KIAA1549L: variants seen among roughly 807,000 people sequenced by gnomAD.
The protein encoded by KIAA1549L is KIAA1549 like.
Under a neutral mutation model 160.7 loss-of-function variants are expected in KIAA1549L, and 88 were observed. The ratio of observed to expected loss-of-function variants is 0.55; its 90% CI spans 0.46 to 0.65. The LOEUF is 0.65. Among genes scored for constraint, KIAA1549L ranks in the 30% least tolerant of loss-of-function variants. KIAA1549L has a pLI of 0.00. For synonymous variants in KIAA1549L, 950 were observed against 976.7 expected (o/e 0.97, Z 0.51); for missense variants, 2,258 against 2,437.5 (o/e 0.93, Z 1.55).
chr11:33,507,008 A>C (rs1853107095), intron 1 of KIAA1549L, among the ~76,000 whole-genome samples: 1 of 152,146 alleles, frequency 6.6e-6, no homozygotes, highest in Admixed American at 6.5e-5. Flanking sequence ...AGCCCTGTTC[A>C]GTTTTGTGTA....
chr11:33,606,851 A>G (rs1349090052), intron 14 of KIAA1549L, 29 bp downstream of exon 14: 3 of 1,563,786 alleles, frequency 1.9e-6, no homozygotes, highest in Non-Finnish European at 2.6e-6. Context: ...AGGGCAGGAG[A>G]TGGTCCGGCC....
At chr11:33,531,431 G>A (rs975324805) in intron 1 of KIAA1549L, among the ~76,000 whole-genome samples, 5 of 152,082 alleles carry the variant, frequency 3.3e-5, no homozygotes, top group African/African-American at 4.8e-5. Flanking sequence ...CCGAGATTGC[G>A]CCACTGCACT....
chr11:33,443,269 C>T (rs968277440), intron 1 of KIAA1549L, among the ~76,000 whole-genome samples: 9 of 151,784 alleles, frequency 5.9e-5, no homozygotes, highest in East Asian at 1.9e-4. Flanking sequence ...CACAGTGGTG[C>T]GATTACAGGC....
At chr11:33,491,537 T>C (rs1034051115) in intron 1 of KIAA1549L, among the ~76,000 whole-genome samples, 5 of 152,254 alleles carry the variant, frequency 3.3e-5, no homozygotes, top group Non-Finnish European at 7.3e-5. Context: ...ACATTTTCTA[T>C]TGGGCTATTT....
At chr11:33,462,995 T>G (rs1227405227) in intron 1 of KIAA1549L, among the ~76,000 whole-genome samples, 1 of 151,954 alleles carries the variant, frequency 6.6e-6, no homozygotes, top group East Asian at 1.9e-4. Flanking sequence ...CCTGGCTAAT[T>G]CTTTTTCTAT....
Position 33,609,875 on chromosome 11 carries a change from A to G in KIAA1549L, c.5188A>G (p.Lys1730Glu). The G allele has an allele frequency of 6.2e-7, 1 of 1,613,964 alleles. No homozygotes were observed. The highest frequency in any genetic ancestry group is 8.5e-7 in the Non-Finnish European group (1 of 1,179,874). Residue 1730 changes from lysine to glutamate, a missense_variant, in exon 15 of 21, where the codon AAG (lysine) becomes GAG (glutamate). Physicochemically the swap from Lys to Glu is moderately conservative, Grantham distance 56 (BLOSUM62 1). Around this residue, in one of 6 missense-constraint regions of KIAA1549L, gnomAD observed 1,359 missense variants for 1,546.6 expected, o/e 0.88. Coordinates refer to ENST00000658780, the MANE Select transcript of KIAA1549L (RefSeq NM_012194.3). ...VETSKGLTER[K>E]KMYEKAPKEM... ...GACGAGCAAGGGTCTGACCGAAAGA[A>G]AGAAGATGTATGAAAAAGCCCCGAA...
chr11:33,573,304 G>A (rs1480261090), intron 9 of KIAA1549L, among the ~76,000 whole-genome samples: 1 of 152,070 alleles, frequency 6.6e-6, no homozygotes, highest in African/African-American at 2.4e-5. Flanking sequence ...TCCCTCTTCA[G>A]AGTTTAGAGT....
At chr11:33,465,672 G>A (rs1466481136) in intron 1 of KIAA1549L, among the ~76,000 whole-genome samples, 3 of 152,114 alleles carry the variant, frequency 2.0e-5, no homozygotes, top group African/African-American at 7.2e-5. Context: ...CAGAACAGAG[G>A]CCTCAGAAAT....
intron 20 of KIAA1549L, among the ~76,000 whole-genome samples, chr11:33,665,906 C>T (rs1852433088): frequency 6.6e-6 from 1 of 152,164 alleles, no homozygotes; most frequent in Non-Finnish European, 1.5e-5. Flanking sequence ...CAGGCTGATG[C>T]CCAGTCTTGT....
intron 15 of KIAA1549L, among the ~76,000 whole-genome samples, chr11:33,614,584 A>T (rs375011341): frequency 0.21 from 1,064 of 5,088 alleles, 129 homozygotes; most frequent in African/African-American, 0.33. Context: ...ATATATATAT[A>T]TTTTTTTTTT....
intron 2 of KIAA1549L, 73 bp from the exon 3 acceptor site, chr11:33,544,694 T>C (rs985249756): frequency 3.3e-6 from 5 of 1,516,794 alleles, no homozygotes; most frequent in Admixed American, 2.2e-5. Flanking sequence ...ATAAGTTACA[T>C]CCATTCATCA....
chr11:33,443,798 A>G (rs548381712), intron 1 of KIAA1549L, among the ~76,000 whole-genome samples: 2 of 152,310 alleles, frequency 1.3e-5, no homozygotes, highest in Admixed American at 1.3e-4. Context: ...CAGAATATTA[A>G]CCTGTGTGAC....
intron 6 of KIAA1549L, among the ~76,000 whole-genome samples, chr11:33,556,579 A>G (rs1854655073): frequency 6.6e-6 from 1 of 152,220 alleles, no homozygotes; most frequent in Admixed American, 6.5e-5. Flanking sequence ...ACGTTTTGCT[A>G]AGTGAAATAA....
intron 6 of KIAA1549L, among the ~76,000 whole-genome samples, chr11:33,554,537 T>C (rs1854580851): frequency 6.6e-6 from 1 of 152,222 alleles, no homozygotes. Flanking sequence ...GCACGGGCAT[T>C]GTCCGTGGCT....
intron 1 of KIAA1549L, among the ~76,000 whole-genome samples, chr11:33,387,563 C>A (rs1850197859): frequency 6.6e-6 from 1 of 152,142 alleles, no homozygotes; most frequent in Non-Finnish European, 1.5e-5. Context: ...GTCTCGGCCT[C>A]CCAAAGTGCT....
intron 8 of KIAA1549L, among the ~76,000 whole-genome samples, chr11:33,564,014 C>T (rs1191959435): frequency 6.6e-6 from 1 of 152,172 alleles, no homozygotes; most frequent in Non-Finnish European, 1.5e-5. Context: ...TCAGACTTAG[C>T]CTTCTACCCA....
At chr11:33,501,796 A>G (rs984437562) in intron 1 of KIAA1549L, among the ~76,000 whole-genome samples, 17 of 152,168 alleles carry the variant, frequency 1.1e-4, no homozygotes, top group Non-Finnish European at 4.4e-5. Context: ...TCATTTAATT[A>G]CAACTCCAAG....
intron 1 of KIAA1549L, among the ~76,000 whole-genome samples, chr11:33,402,573 T>A (rs769394394): frequency 1.3e-5 from 2 of 152,214 alleles, no homozygotes; most frequent in Admixed American, 6.5e-5. Flanking sequence ...AGATCTGTAT[T>A]CTTTCCTTAC....
At chr11:33,437,482 A>G (rs1851404502) in intron 1 of KIAA1549L, among the ~76,000 whole-genome samples, 1 of 152,188 alleles carries the variant, frequency 6.6e-6, no homozygotes, top group Non-Finnish European at 1.5e-5. Context: ...GACAGTTCTG[A>G]GTTTGAATCT....
Sources: allele counts gnomAD v4.1 joint callset (sites outside exome capture counted in the v4.1 genomes callset), GRCh38; gene constraint gnomAD v4.1.1; regional missense constraint gnomAD v4.1.1; transcripts MANE v1.5; gene names NCBI Gene and HGNC (gene_info 2026-07-23, HGNC 2026-07-21).